Variants in PFKFB3 observed in about 807,000 individuals in gnomAD.
PFKFB3 encodes the protein 6-phosphofructo-2-kinase/fructose-2,6-bisphosphatase 3.
In PFKFB3, 33 loss-of-function variants were observed where a neutral mutation model predicts 68.0. The observed-to-expected ratio is 0.49, with a 90% CI of 0.37 to 0.65. The LOEUF (loss-of-function observed/expected upper bound fraction) is 0.65, where lower values mean the gene tolerates loss of function less well. PFKFB3 is among the 30% of genes least tolerant of loss of function. PFKFB3 has a pLI of 0.00. For missense variants in PFKFB3, 586 were observed against 712.2 expected (o/e 0.82, Z 2.02); for synonymous variants, 315 against 288.2 (o/e 1.09, Z -0.94).
chr10:6,246,024 C>T (rs766949325), intron 14 of PFKFB3, among the ~76,000 whole-genome samples: 2 of 152,180 alleles, frequency 1.3e-5, no homozygotes, highest in Non-Finnish European at 2.9e-5. Context: ...CTTCCTTCTT[C>T]TCGAAGACCC....
intron 5 of PFKFB3, among the ~76,000 whole-genome samples, 169 bp downstream of exon 5, chr10:6,216,949 T>C (rs941395558): frequency 6.6e-6 from 1 of 152,034 alleles, no homozygotes; most frequent in Non-Finnish European, 1.5e-5. Flanking sequence ...ATTTGGGCCT[T>C]TGTGTGGTAG....
intron 1 of PFKFB3, among the ~76,000 whole-genome samples, chr10:6,186,712 G>A (rs927030958): frequency 6.6e-6 from 1 of 152,136 alleles, no homozygotes; most frequent in Non-Finnish European, 1.5e-5. Context: ...TGCCCAGGCT[G>A]GTCTCAAACT....
At chr10:6,185,138 A>T (rs1303611673) in intron 1 of PFKFB3, among the ~76,000 whole-genome samples, 2 of 152,288 alleles carry the variant, frequency 1.3e-5, no homozygotes, top group South Asian at 2.1e-4. Context: ...TGACCACGGC[A>T]CGCCCCACGA....
rs1275620392 is a variant in PFKFB3 at position 6,215,355 on chromosome 10, A to AATAAGGCTGGGCCGCGGGC, written c.299+51_299+69dup. The AATAAGGCTGGGCCGCGGGC allele has an allele frequency of 1.3e-6, 2 of 1,528,946 alleles. No individual in the cohort carries two copies. Among genetic ancestry groups the AATAAGGCTGGGCCGCGGGC allele is most frequent in the Middle Eastern group, 1.7e-4 (1 of 5,914 alleles). The allele number at this position is 1,528,946 out of a possible 1,614,324, so 94.7% of individuals were successfully genotyped here. On this transcript the variant is annotated intron_variant, in intron 3 of 14. Coordinates refer to ENST00000379775, the MANE Select transcript of PFKFB3 (RefSeq NM_004566.4). The surrounding 1 kb of genome is among the most constrained non-coding windows in gnomAD (Gnocchi z 4.3). ...CGCGGGCGTAGGGCTGGGCTGTGGG[A>AATAAGGCTGGGCCGCGGGC]ATAAGGCTGGGCCGCGGGCATAAGG...
At chr10:6,207,223 G>T (rs527501380) in intron 1 of PFKFB3, among the ~76,000 whole-genome samples, 27 of 152,322 alleles carry the variant, frequency 1.8e-4, no homozygotes, top group Admixed American at 5.2e-4. Context: ...ATCACTCGCG[G>T]TTAGGAGCTG....
the PFKFB3 span, chr10:6,293,342 T>TTTTC: frequency 3.1e-4 from 89 of 290,220 alleles, 1 homozygote; most frequent in African/African-American, 1.1e-3. Context: ...GGATGTTATC[T>TTTTC]TTTCTTTCTT....
the PFKFB3 span, among the ~76,000 whole-genome samples, chr10:6,307,363 ACACACT>A: frequency 2.9e-5 from 4 of 136,724 alleles, no homozygotes; most frequent in African/African-American, 1.1e-4. Flanking sequence ...ACACACACAC[ACACACT>A]CACCCTACTG....
At chr10:6,247,703 C>T (rs1016790328) in intron 14 of PFKFB3, among the ~76,000 whole-genome samples, 49 of 152,202 alleles carry the variant, frequency 3.2e-4, no homozygotes, top group African/African-American at 1.2e-3. Context: ...ATGGAGTGTC[C>T]TCCAGACCCC....
chr10:6,231,570 T>C (rs1452360587), intron 14 of PFKFB3: 1 of 985,304 alleles, frequency 1.0e-6, no homozygotes, highest in Non-Finnish European at 1.2e-6. Flanking sequence ...CGCCATCACC[T>C]GTGGGTGCCG....
At chr10:6,273,866 G>A in the PFKFB3 span, among the ~76,000 whole-genome samples, 4 of 152,248 alleles carry the variant, frequency 2.6e-5, no homozygotes, top group South Asian at 2.1e-4. Context: ...CAGTCCTGCC[G>A]ACACCTTGAT....
At chr10:6,275,893 A>T in the PFKFB3 span, among the ~76,000 whole-genome samples, 4 of 152,046 alleles carry the variant, frequency 2.6e-5, no homozygotes, top group African/African-American at 9.7e-5. The surrounding 1 kb of genome is among the most constrained non-coding windows in gnomAD (Gnocchi z 4.9). Flanking sequence ...TGCTTTCTCC[A>T]TGTGGAGGGT....
At chr10:6,231,388 C>G in intron 14 of PFKFB3, 1 of 1,603,374 alleles carries the variant, frequency 6.2e-7, no homozygotes, top group South Asian at 1.1e-5. Context: ...GACTGGCCAT[C>G]GTGCAATGCG....
At chr10:6,153,579 C>T (rs1262543524) in intron 1 of PFKFB3, among the ~76,000 whole-genome samples, 4 of 152,162 alleles carry the variant, frequency 2.6e-5, no homozygotes, top group African/African-American at 7.2e-5. Context: ...AGGGGCTGGG[C>T]GAGGTGGCTC....
chr10:6,206,511 A>C (rs1239880634), intron 1 of PFKFB3, among the ~76,000 whole-genome samples: 1 of 129,588 alleles, frequency 7.7e-6, no homozygotes, highest in Non-Finnish European at 1.6e-5. Context: ...GGGGCTCCTC[A>C]CTTCCCAGTA....
chr10:6,203,428 GGGGGCGCGCCCGTGCGGGTCGCGCCGGC>G, intron 1 of PFKFB3, 92 bp downstream of exon 1: 1 of 867,042 alleles, frequency 1.2e-6, no homozygotes, highest in Non-Finnish European at 1.6e-6. Context: ...CCCCTCTGCG[GGGGGCGCGCCCGTGCGGGTCGCGCCGGC>G]GGGGCGGGGC....
intron 6 of PFKFB3, among the ~76,000 whole-genome samples, chr10:6,219,082 G>A (rs1015619400): frequency 7.2e-5 from 11 of 152,230 alleles, no homozygotes; most frequent in Non-Finnish European, 1.3e-4. Context: ...AGTTAACCAC[G>A]GACTGGTCAC....
intron 1 of PFKFB3, among the ~76,000 whole-genome samples, chr10:6,203,956 C>T (rs117592975): frequency 0.041 from 6,242 of 152,300 alleles, 161 homozygotes; most frequent in East Asian, 0.13. Context: ...TGGGGGCGCC[C>T]GTGCTGGGGG....
At chr10:6,319,801 T>G in the PFKFB3 span, among the ~76,000 whole-genome samples, 47 of 152,352 alleles carry the variant, frequency 3.1e-4, 1 homozygote, top group South Asian at 9.7e-3. Context: ...ATACATTCTA[T>G]TATCTTTCTG....
At chr10:6,226,946 T>C (rs1027205326) in intron 14 of PFKFB3, among the ~76,000 whole-genome samples, 1 of 151,958 alleles carries the variant, frequency 6.6e-6, no homozygotes, top group African/African-American at 2.4e-5. Flanking sequence ...ATTAGCCAGG[T>C]GTGGAGGCGG....
Sources: allele counts gnomAD v4.1 joint callset (sites outside exome capture counted in the v4.1 genomes callset), GRCh38; gene constraint gnomAD v4.1.1; non-coding constraint Gnocchi (gnomAD v3.1); transcripts MANE v1.5; gene names NCBI Gene and HGNC (gene_info 2026-07-23, HGNC 2026-07-21).